The following ANKRD31 variants were observed in gnomAD, a reference collection of about 807,000 sequenced individuals.
ANKRD31 encodes the protein ankyrin repeat domain-containing protein 31.
Under a neutral mutation model 186.0 loss-of-function variants are expected in ANKRD31, and 147 were observed. That is an observed-to-expected ratio of 0.79 (90% CI 0.69 to 0.91). The LOEUF (loss-of-function observed/expected upper bound fraction) is 0.91, where lower values mean the gene tolerates loss of function less well. Among genes scored for constraint, ANKRD31 ranks in the 40% least tolerant of loss-of-function variants. ANKRD31 has a pLI of 0.00. For synonymous variants in ANKRD31, 673 were observed against 736.4 expected (o/e 0.91, Z 1.39); for missense variants, 1,986 against 2,148.8 (o/e 0.92, Z 1.50).
intron 22 of ANKRD31, among the ~76,000 whole-genome samples, chr5:75,097,854 C>T (rs1746459448): frequency 6.6e-6 from 1 of 151,990 alleles, no homozygotes. Flanking sequence ...AGGAAGGGAT[C>T]CAGTTTCAGT....
At chr5:75,093,216 C>T (rs1746060798) in intron 22 of ANKRD31, among the ~76,000 whole-genome samples, 1 of 152,162 alleles carries the variant, frequency 6.6e-6, no homozygotes, top group South Asian at 2.1e-4. Context: ...CACGGTGGCT[C>T]ACACCTGCAA....
chr5:75,210,973 C>CT (rs1756598838), intron 3 of ANKRD31, 108 bp from the exon 4 acceptor site: 1 of 715,598 alleles, frequency 1.4e-6, no homozygotes, highest in African/African-American at 1.8e-5. Flanking sequence ...TTCTTAGCTT[C>CT]TTTTTATGGT....
chr5:75,083,922 A>G (rs566612723), intron 24 of ANKRD31, among the ~76,000 whole-genome samples: 3 of 152,364 alleles, frequency 2.0e-5, no homozygotes, highest in Middle Eastern at 3.4e-3. Flanking sequence ...AGGGTCACAT[A>G]TATTGATTTC....
In ANKRD31 at chr5:75,146,119, T is replaced by C. The variant is rs1353632208; in HGVS notation, c.3292A>G (p.Arg1098Gly). ...QVIETTKVEK[R>G]RQNHLESETI... Reference sequence around the variant, plus strand: ...TCACTTTCTAGATGGTTTTGTCTCCTTTTTTCAACTTTAGTTGTTTCTATT... The same window carrying C: ...TCACTTTCTAGATGGTTTTGTCTCCCTTTTTCAACTTTAGTTGTTTCTATT... The change falls in exon 14 of 26, where the codon AGG becomes GGG. Residue 1098 changes from arginine to glycine, a missense_variant. Transcript: ENST00000506364. 6.5e-7 allele frequency: 1 copy of C among 1,535,700 alleles called. No homozygotes were observed. Among genetic ancestry groups the C allele is most frequent in the Non-Finnish European group, 8.7e-7 (1 of 1,146,064 alleles).
intron 10 of ANKRD31, among the ~76,000 whole-genome samples, chr5:75,182,401 A>G (rs576674879): frequency 2.0e-5 from 3 of 152,274 alleles, no homozygotes; most frequent in South Asian, 4.1e-4. Context: ...TGCTCAAACT[A>G]CAATAAAAAT....
At chr5:75,203,314 G>A (rs992616462) in intron 5 of ANKRD31, among the ~76,000 whole-genome samples, 1 of 152,166 alleles carries the variant, frequency 6.6e-6, no homozygotes, top group Non-Finnish European at 1.5e-5. Flanking sequence ...AATTGGGTAT[G>A]AGAAAAATAA....
chr5:75,230,864 T>G (rs1757907417), intron 1 of ANKRD31, among the ~76,000 whole-genome samples: 1 of 152,196 alleles, frequency 6.6e-6, no homozygotes, highest in Non-Finnish European at 1.5e-5. Context: ...CTGTTATTAT[T>G]TTTTAATATT....
chr5:75,214,878 C>T (rs918075711), intron 3 of ANKRD31, among the ~76,000 whole-genome samples: 2 of 152,250 alleles, frequency 1.3e-5, no homozygotes, highest in Admixed American at 6.5e-5. Context: ...GACTATGAGA[C>T]CAGTGATGCC....
chr5:75,132,723 C>G (rs1749975868), intron 17 of ANKRD31, among the ~76,000 whole-genome samples: 1 of 152,006 alleles, frequency 6.6e-6, no homozygotes, highest in Admixed American at 6.6e-5. Flanking sequence ...GTCAGATTCA[C>G]CAAAGTTGAA....
At chr5:75,149,669 T>C (rs1157627405) in intron 12 of ANKRD31, among the ~76,000 whole-genome samples, 1 of 151,882 alleles carries the variant, frequency 6.6e-6, no homozygotes, top group Non-Finnish European at 1.5e-5. Context: ...CTCCATAAAA[T>C]GCCCATAAAT....
At position 75,147,220 on chromosome 5, in the gene ANKRD31, T is replaced by C; in HGVS notation, c.2191A>G (p.Arg731Gly). The C allele has an allele frequency of 6.5e-7, 1 of 1,536,398 alleles. No individual in the cohort carries two copies. Among genetic ancestry groups the C allele is most frequent in the South Asian group, 1.2e-5 (1 of 84,026 alleles). ...NTNVPKGIGR[R>G]KTQHKRTQVD... The stretch of plus-strand genomic sequence containing the variant: ...TGGGTCCTTTTATGTTGTGTTTTTC[T>C]TCTTCCTATACCTTTTGGTACGTTT... The change falls in exon 14 of 26, where the codon AGA (arginine) becomes GGA (glycine). Residue 731 changes from arginine (R) to glycine (G), a missense_variant. Arg to Gly is a moderately radical substitution (Grantham distance 125). Transcript: ENST00000506364.
rs115996706 is a variant in ANKRD31, at chr5:75,164,999, G to A, written c.1707+3980C>T. Among the ~76,000 whole-genome samples, 1,328 of 152,118 alleles carry A rather than the reference G, an allele frequency of 8.7e-3. 19 individuals carry two copies. Among genetic ancestry groups the A allele is most frequent in the African/African-American group, 0.028 (1,176 of 41,512 alleles). ...TTGCTGTGTCTTAATAATTTTTAAG[G>A]GATTTGACTGTTATTGTCCCTGTGA... On this transcript the variant is annotated intron_variant, in intron 11 of 25. Transcript: ENST00000506364.
intron 10 of ANKRD31, among the ~76,000 whole-genome samples, chr5:75,184,036 T>C (rs1203366267): frequency 6.6e-6 from 1 of 151,942 alleles, no homozygotes; most frequent in African/African-American, 2.4e-5. Context: ...GATCATCATA[T>C]TGACATAAAA....
chr5:75,168,001 G>A (rs1299026030), intron 11 of ANKRD31, among the ~76,000 whole-genome samples: 1 of 152,014 alleles, frequency 6.6e-6, no homozygotes, highest in Non-Finnish European at 1.5e-5. Context: ...CATTAAACTG[G>A]ATCCTGGGAA....
At chr5:75,164,987 A>G (rs1314049948) in intron 11 of ANKRD31, among the ~76,000 whole-genome samples, 4 of 152,200 alleles carry the variant, frequency 2.6e-5, no homozygotes, top group Non-Finnish European at 4.4e-5. Flanking sequence ...CTGTGTCTTA[A>G]TAATTTTTAA....
chr5:75,153,747 T>A (rs1239973399), intron 12 of ANKRD31, among the ~76,000 whole-genome samples: 1 of 152,164 alleles, frequency 6.6e-6, no homozygotes, highest in Non-Finnish European at 1.5e-5. Context: ...GTTTACATAA[T>A]TTTTTATTGA....
chr5:75,138,943 C>T lies in ANKRD31; in HGVS notation c.3636G>A (p.Gly1212=), dbSNP rs1045885583. The change falls in exon 16 of 26, where the codon GGG becomes GGA. Residue 1212 remains glycine (G), a synonymous_variant. Coordinates refer to ENST00000506364, the MANE Select transcript of ANKRD31 (RefSeq NM_001372053.1). The part of the protein sequence containing the change: ...AGRINKRNAR[G]ESQLHLAVRR... ...TGACAGCTAAATGAAGCTGGCTTTC[C>T]CCTCTGGCATTCCTCTTGTTGATCC... 1.3e-6 allele frequency: 2 copies of T among 1,536,646 alleles called. No individual in the cohort carries two copies. Among genetic ancestry groups the T allele is most frequent in the Admixed American group, 3.9e-5 (2 of 50,950 alleles).
Position 75,118,288 on chromosome 5 carries a change from T to C in ANKRD31, c.3886A>G (p.Ile1296Val). 1 of 1,492,588 alleles carries C rather than the reference T, an allele frequency of 6.7e-7. No homozygotes were observed. Among genetic ancestry groups the C allele is most frequent in the Non-Finnish European group, 8.8e-7 (1 of 1,132,586 alleles). The allele number at this position is 1,492,588 out of a possible 1,614,324, so 92.5% of individuals were successfully genotyped here. A position where few individuals can be genotyped will look rare whatever the true frequency, so the allele number is the denominator to read the frequency against. Residue 1296 changes from isoleucine to valine, a missense_variant, in exon 18 of 26, where the codon ATT (isoleucine) becomes GTT (valine). Transcript: ENST00000506364. ...GGGTTTGCTCCATTTTGTAGTAGAA[T>C]CTCAGCTGCCTACAAAGTATTTTTT... ...VANNHLKAAEILLQNGANPNQ... is the reference protein window; with the variant it reads ...VANNHLKAAEVLLQNGANPNQ...
intron 17 of ANKRD31, among the ~76,000 whole-genome samples, chr5:75,120,526 G>A (rs933390392): frequency 1.3e-5 from 2 of 152,178 alleles, no homozygotes; most frequent in Non-Finnish European, 2.9e-5. Context: ...AGTGGATAAA[G>A]TATGTTTTTA....
Sources: allele counts gnomAD v4.1 joint callset (sites outside exome capture counted in the v4.1 genomes callset), GRCh38; gene constraint gnomAD v4.1.1; transcripts MANE v1.5; gene names NCBI Gene and HGNC (gene_info 2026-07-23, HGNC 2026-07-21).